The following RERE variants were observed in gnomAD, a reference collection of about 807,000 sequenced individuals.
RERE encodes arginine-glutamic acid dipeptide repeats protein.
RERE carries 40 observed loss-of-function variants against 146.1 expected under a neutral mutation model. That is an observed-to-expected ratio of 0.27 (90% CI 0.21 to 0.36). The LOEUF (loss-of-function observed/expected upper bound fraction) is 0.36. Ranked by LOEUF, RERE falls within the 10% of genes least tolerant of loss-of-function variation. The pLI is 1.00. For missense variants in RERE, 1,933 were observed against 2,138.7 expected (o/e 0.90, Z 1.90); for synonymous variants, 1,003 against 866.0 (o/e 1.16, Z -2.78).
intron 1 of RERE, among the ~76,000 whole-genome samples, chr1:8,763,165 A>G (rs1640786399): frequency 1.3e-5 from 2 of 152,240 alleles, no homozygotes; most frequent in South Asian, 4.1e-4. Flanking sequence ...TTACAACCAT[A>G]GGAACAAATC....
chr1:8,684,773 G>C (rs892415495), intron 1 of RERE, among the ~76,000 whole-genome samples: 3 of 152,168 alleles, frequency 2.0e-5, no homozygotes, highest in African/African-American at 7.2e-5. Flanking sequence ...CAATAAACAG[G>C]AAACACTAAT....
intron 4 of RERE, among the ~76,000 whole-genome samples, chr1:8,560,562 G>T (rs1422313530): frequency 6.6e-6 from 1 of 152,134 alleles, no homozygotes; most frequent in Admixed American, 6.5e-5. Flanking sequence ...GTGACTTGGG[G>T]CACATTACCG....
At chr1:8,681,221 C>G (rs1638958411) in intron 1 of RERE, among the ~76,000 whole-genome samples, 1 of 152,174 alleles carries the variant, frequency 6.6e-6, no homozygotes. Context: ...CTCACTGGTG[C>G]AGGCATCTCC....
intron 1 of RERE, among the ~76,000 whole-genome samples, chr1:8,675,738 T>TAAAC (rs141130300): frequency 2.0e-5 from 3 of 147,780 alleles, no homozygotes; most frequent in African/African-American, 5.0e-5. Flanking sequence ...TACATACATA[T>TAAAC]ATACATACAT....
At chr1:8,814,547 A>C (rs1456773420) in intron 1 of RERE, among the ~76,000 whole-genome samples, 3 of 152,204 alleles carry the variant, frequency 2.0e-5, no homozygotes, top group Non-Finnish European at 4.4e-5. Flanking sequence ...ACTGCAATGC[A>C]AGGCCACTAC....
At chr1:8,401,684 T>C (rs963111332) in intron 12 of RERE, among the ~76,000 whole-genome samples, 1 of 150,210 alleles carries the variant, frequency 6.7e-6, no homozygotes, top group Non-Finnish European at 1.5e-5. Context: ...TGCTTAAGCC[T>C]GGGAGGTCGA....
chr1:8,513,149 A>G (rs1006411028), intron 7 of RERE: 1 of 152,256 alleles, frequency 6.6e-6, no homozygotes, highest in South Asian at 2.1e-4. Context: ...ACAGAAATAA[A>G]GCTTATTACA....
chr1:8,781,579 C>T lies in RERE; in HGVS notation c.-145+35581G>A, dbSNP rs1179078356. Among the ~76,000 whole-genome samples the T allele has an allele frequency of 4.0e-5, 6 of 151,538 alleles. No homozygotes were observed. In the Admixed American group the frequency reaches 4.0e-4, roughly 10 times the overall value. ...AAAACTCTGCTCTGCCACTTCCTAG[C>T]TGAGTTACTTTGGGAAAGTTATTGA... On this transcript the variant is annotated intron_variant, in intron 1 of 22. Transcript: ENST00000400908.
In RERE at chr1:8,670,516, C is replaced by G. The variant is rs374256488; in HGVS notation, c.-144-14075G>C. On this transcript the variant is annotated intron_variant, in intron 1 of 22. Transcript: ENST00000400908. The stretch of plus-strand genomic sequence containing the variant: ...CTACAGACACAGTCTGTAAGTTGGC[C>G]ATAAGATGTGCTATAGAAAAAAAAT... 2.6e-5 allele frequency among the ~76,000 whole-genome samples: 4 copies of G among 152,088 alleles called. No homozygotes were observed. In the East Asian group the frequency reaches 5.8e-4, roughly 22 times the overall value.
intron 1 of RERE, among the ~76,000 whole-genome samples, chr1:8,724,411 C>A (rs1639918981): frequency 6.6e-6 from 1 of 152,142 alleles, no homozygotes; most frequent in Non-Finnish European, 1.5e-5. Flanking sequence ...CTGTCTATAT[C>A]AATGTTCTGT....
chr1:8,421,408 A>T (rs1643907262), intron 12 of RERE, among the ~76,000 whole-genome samples: 1 of 152,242 alleles, frequency 6.6e-6, no homozygotes, highest in Non-Finnish European at 1.5e-5. Context: ...AAATAAGTTG[A>T]TTATATAGAT....
chr1:8,363,572 C>T (rs1641679908), intron 15 of RERE: 1 of 164,334 alleles, frequency 6.1e-6, no homozygotes, highest in Admixed American at 5.8e-5. Flanking sequence ...AAAAGCCTCT[C>T]CCAAAGTCCC....
chr1:8,760,755 T>C (rs963561585), intron 1 of RERE, among the ~76,000 whole-genome samples: 8 of 152,198 alleles, frequency 5.3e-5, no homozygotes, highest in Non-Finnish European at 7.4e-5. Flanking sequence ...GTGTCAGTTA[T>C]GCTAAATGAA....
At chr1:8,531,426 G>C (rs1645652279) in intron 7 of RERE, among the ~76,000 whole-genome samples, 1 of 150,682 alleles carries the variant, frequency 6.6e-6, no homozygotes, top group Non-Finnish European at 1.5e-5. Context: ...CTGGGCAACA[G>C]AGCGAGACTC....
At chr1:8,757,307 C>T (rs1640662755) in intron 1 of RERE, among the ~76,000 whole-genome samples, 1 of 152,078 alleles carries the variant, frequency 6.6e-6, no homozygotes, top group Non-Finnish European at 1.5e-5. Flanking sequence ...CAAATTACTG[C>T]CCCATTTCTT....
intron 1 of RERE, among the ~76,000 whole-genome samples, chr1:8,767,594 G>A (rs1254820712): frequency 8.3e-5 from 12 of 144,598 alleles, no homozygotes; most frequent in Non-Finnish European, 4.6e-5. Context: ...TGCAGAGTGA[G>A]GCCTTGTCTC....
At chr1:8,669,632 A>G (rs1392143938) in intron 1 of RERE, among the ~76,000 whole-genome samples, 2 of 152,216 alleles carry the variant, frequency 1.3e-5, no homozygotes, top group African/African-American at 4.8e-5. Context: ...ACAGTCAATT[A>G]AACTAGTAGA....
At chr1:8,394,341 A>G (rs772348378) in intron 12 of RERE, among the ~76,000 whole-genome samples, 21 of 152,230 alleles carry the variant, frequency 1.4e-4, no homozygotes, top group Non-Finnish European at 2.2e-4. Flanking sequence ...ATTTTGAGAA[A>G]TATTTCTTGC....
At chr1:8,635,882 A>G (rs964857556) in intron 2 of RERE, among the ~76,000 whole-genome samples, 1 of 152,244 alleles carries the variant, frequency 6.6e-6, no homozygotes, top group African/African-American at 2.4e-5. Context: ...TTCCCTTGAC[A>G]AGTTCACAAT....
Sources: gnomAD v4.1 joint callset for allele counts (sites outside exome capture counted in the v4.1 genomes callset) on GRCh38, gnomAD v4.1.1 for gene constraint, MANE v1.5 for transcripts, NCBI Gene and HGNC (gene_info 2026-07-23, HGNC 2026-07-21) for gene names.